THSD4: variants seen among roughly 807,000 people sequenced by gnomAD.
The protein encoded by THSD4 is thrombospondin type 1 domain containing 4.
Under a neutral mutation model 119.0 loss-of-function variants are expected in THSD4, and 69 were observed. The observed-to-expected ratio is 0.58, with a 90% CI of 0.48 to 0.71. The LOEUF is 0.71. Among genes scored for constraint, THSD4 ranks in the 30% least tolerant of loss-of-function variants. THSD4 has a pLI of 0.00. For missense variants in THSD4, 1,393 were observed against 1,391.1 expected (o/e 1.00, Z -0.02); for synonymous variants, 524 against 540.4 (o/e 0.97, Z 0.42).
At chr15:71,114,124 A>G (rs1421790210), upstream of THSD4, among the ~76,000 whole-genome samples, 3 of 152,244 alleles carry the variant, frequency 2.0e-5, no homozygotes, top group East Asian at 5.8e-4. Context: ...TGAATCAATC[A>G]GAACTGGCTC....
chr15:71,736,095 CTT>C (rs1391865676), intron 10 of THSD4, among the ~76,000 whole-genome samples: 2 of 75,724 alleles, frequency 2.6e-5, no homozygotes, highest in African/African-American at 8.6e-5. Context: ...CTGTCTCTCT[CTT>C]GCTCTCTGTC....
chr15:71,257,388 G>A (rs1183493060), intron 6 of THSD4, among the ~76,000 whole-genome samples: 1 of 152,138 alleles, frequency 6.6e-6, no homozygotes, highest in Non-Finnish European at 1.5e-5. Flanking sequence ...CAGAAGAGGT[G>A]TTGGGTCAAG....
At chr15:71,675,946 C>T (rs1325868320) in intron 8 of THSD4, among the ~76,000 whole-genome samples, 1 of 152,202 alleles carries the variant, frequency 6.6e-6, no homozygotes, top group Non-Finnish European at 1.5e-5. Flanking sequence ...GCACCCTCCT[C>T]ACTGTTCCAT....
At chr15:71,632,875 G>A (rs555735197) in intron 7 of THSD4, among the ~76,000 whole-genome samples, 1 of 152,316 alleles carries the variant, frequency 6.6e-6, no homozygotes, top group East Asian at 1.9e-4. Context: ...AGGCTAATTC[G>A]TGAGTGAGAG....
chr15:71,683,824 A>C (rs539125781), intron 8 of THSD4, among the ~76,000 whole-genome samples: 4 of 152,214 alleles, frequency 2.6e-5, no homozygotes, highest in African/African-American at 4.8e-5. Flanking sequence ...AAATACAAAA[A>C]TTTAGCTGGG....
intron 3 of THSD4, among the ~76,000 whole-genome samples, chr15:71,208,652 C>T (rs1596269879): frequency 6.6e-6 from 1 of 152,152 alleles, no homozygotes; most frequent in East Asian, 1.9e-4. Flanking sequence ...GCTGGGATTA[C>T]AGGCACCCAC....
At chr15:71,566,999 G>T (rs755330215) in intron 7 of THSD4, among the ~76,000 whole-genome samples, 1 of 151,982 alleles carries the variant, frequency 6.6e-6, no homozygotes, top group Non-Finnish European at 1.5e-5. Context: ...ACCCTCTCTC[G>T]TTAGAGATTT....
chr15:71,614,106 A>G (rs753095519), intron 7 of THSD4, among the ~76,000 whole-genome samples: 4 of 152,224 alleles, frequency 2.6e-5, no homozygotes, highest in Admixed American at 6.5e-5. Flanking sequence ...TTTCTATAAA[A>G]TGCAGCAACT....
intron 7 of THSD4, among the ~76,000 whole-genome samples, chr15:71,499,328 G>A (rs186785379): frequency 1.3e-3 from 204 of 152,196 alleles, no homozygotes; most frequent in Non-Finnish European, 2.4e-3. Context: ...CCAAGGAGCA[G>A]CAGTCTCTCA....
At chr15:71,681,486 G>A (rs780262567) in intron 8 of THSD4, among the ~76,000 whole-genome samples, 5 of 151,706 alleles carry the variant, frequency 3.3e-5, no homozygotes, top group African/African-American at 1.2e-4. Context: ...AGACCAGCCT[G>A]GCCAACATGG....
chr15:71,210,798 A>G (rs1416455687), intron 3 of THSD4, among the ~76,000 whole-genome samples: 3 of 152,156 alleles, frequency 2.0e-5, no homozygotes, highest in East Asian at 3.9e-4. Flanking sequence ...CTTTTAACAG[A>G]TATGAATCTA....
chr15:71,652,969 A>G (rs1340137753), intron 7 of THSD4, among the ~76,000 whole-genome samples: 3 of 152,230 alleles, frequency 2.0e-5, no homozygotes, highest in African/African-American at 7.2e-5. Flanking sequence ...TAAACATGGC[A>G]GGATTCTTCA....
At chr15:71,771,342 G>A in intron 17 of THSD4, 134 bp downstream of exon 17, 1 of 1,156,416 alleles carries the variant, frequency 8.6e-7, no homozygotes. Flanking sequence ...AGAGGGTTGA[G>A]GTGCTTTTGG....
At chr15:71,562,121 G>A (rs990762113) in intron 7 of THSD4, among the ~76,000 whole-genome samples, 16 of 152,176 alleles carry the variant, frequency 1.1e-4, no homozygotes, top group African/African-American at 3.9e-4. Flanking sequence ...AGACCTGGAG[G>A]GTGAATGGTC....
Position 71,285,853 on chromosome 15 carries a change from C to CAAAA in THSD4, c.1015+29167_1015+29170dup, listed in dbSNP as rs11421766. Among the ~76,000 whole-genome samples the CAAAA allele has an allele frequency of 2.9e-3, 196 of 67,388 alleles. 7 individuals carry two copies. The highest frequency in any genetic ancestry group is 6.8e-3 in the South Asian group (7 of 1,026). The allele number at this position is 67,388 out of a possible 152,430, so 44.2% of individuals were successfully genotyped here. ...TGGGTGACAGAGCGAGACTCCGTCT[C>CAAAA]AAAAAAAAAAAAAAAAAAAAAAAAA... On this transcript the variant is annotated intron_variant, in intron 6 of 17. Transcript: ENST00000261862.
At chr15:71,362,587 G>A (rs2045905975) in intron 6 of THSD4, among the ~76,000 whole-genome samples, 1 of 152,166 alleles carries the variant, frequency 6.6e-6, no homozygotes, top group African/African-American at 2.4e-5. Context: ...ATGTTAAAGT[G>A]AGTTAAGGTA....
At chr15:71,495,499 G>A (rs2048000865) in intron 7 of THSD4, among the ~76,000 whole-genome samples, 1 of 152,102 alleles carries the variant, frequency 6.6e-6, no homozygotes, top group African/African-American at 2.4e-5. Context: ...GATACTAAAA[G>A]TATAGTTTCT....
intron 2 of THSD4, among the ~76,000 whole-genome samples, chr15:71,149,306 C>T (rs1237264163): frequency 2.6e-5 from 4 of 151,592 alleles, no homozygotes; most frequent in Non-Finnish European, 5.9e-5. Flanking sequence ...AGGGCAATGG[C>T]GTGATCACGG....
chr15:71,476,429 A>G (rs1423120306), intron 7 of THSD4, among the ~76,000 whole-genome samples: 1 of 152,070 alleles, frequency 6.6e-6, no homozygotes, highest in Non-Finnish European at 1.5e-5. Context: ...TTTAGTAGAG[A>G]CAGGGTTTCA....
Sources: gnomAD v4.1 joint callset for allele counts (sites outside exome capture counted in the v4.1 genomes callset) on GRCh38, gnomAD v4.1.1 for gene constraint, MANE v1.5 for transcripts, NCBI Gene and HGNC (gene_info 2026-07-23, HGNC 2026-07-21) for gene names.